The following LTBP1 variants were observed in gnomAD, a reference collection of about 807,000 sequenced individuals.
LTBP1 encodes latent-transforming growth factor beta-binding protein 1.
LTBP1 carries 129 observed loss-of-function variants against 207.6 expected under a neutral mutation model. The observed-to-expected ratio is 0.62, with a 90% CI of 0.54 to 0.72. LTBP1 has a LOEUF of 0.72. Ranked by LOEUF, LTBP1 falls within the 30% of genes least tolerant of loss-of-function variation. The pLI is 0.00. For synonymous variants in LTBP1, 963 were observed against 833.7 expected, an observed-to-expected ratio of 1.16 and a Z score of -2.67; for missense variants, 2,281 against 2,217.2, an observed-to-expected ratio of 1.03 and a Z score of -0.58.
rs1676326530 is a variant in LTBP1, at chr2:32,947,351, G to A, written c.27G>A (p.Gly9=). MAGAWLRW[G]LLLWAGLLAS... ...TGGCGGGGGCCTGGCTCAGGTGGGG[G>A]CTCCTGCTCTGGGCAGGGCTCCTCG... is the stretch of plus-strand genomic sequence containing the variant. Residue 9 remains glycine, a synonymous_variant, in exon 1 of 34, where the codon GGG becomes GGA. Transcript: ENST00000404816. 1.3e-5 allele frequency: 17 copies of A among 1,266,180 alleles called. No individual in the cohort carries two copies. Among genetic ancestry groups the A allele is most frequent in the South Asian group, 2.6e-5 (1 of 37,808 alleles). The allele number at this position is 1,266,180 out of a possible 1,614,324, so 78.4% of individuals were successfully genotyped here. A position where few individuals can be genotyped will look rare whatever the true frequency, so the allele number is the denominator to read the frequency against.
At chr2:33,082,229 G>A (rs1384295816) in intron 3 of LTBP1, among the ~76,000 whole-genome samples, 1 of 151,988 alleles carries the variant, frequency 6.6e-6, no homozygotes, top group East Asian at 1.9e-4. Flanking sequence ...CCATGAGATT[G>A]TTGCAGCAAA....
At chr2:32,980,402 CTGAT>C (rs1472299543) in intron 2 of LTBP1, among the ~76,000 whole-genome samples, 2 of 152,046 alleles carry the variant, frequency 1.3e-5, no homozygotes, top group Non-Finnish European at 1.5e-5. Context: ...CAACCTAACA[CTGAT>C]TGCATAAAGA....
At chr2:33,082,876 A>C (rs967069824) in intron 3 of LTBP1, among the ~76,000 whole-genome samples, 1 of 151,944 alleles carries the variant, frequency 6.6e-6, no homozygotes, top group Non-Finnish European at 1.5e-5. Context: ...CTGGGTGGGC[A>C]TCTGGTCCTC....
At chr2:33,069,384 A>T (rs1023089528) in intron 3 of LTBP1, among the ~76,000 whole-genome samples, 3 of 152,174 alleles carry the variant, frequency 2.0e-5, no homozygotes, top group Non-Finnish European at 4.4e-5. Flanking sequence ...ATTTCTGCAG[A>T]TGAAGCACCC....
At chr2:33,274,059 A>G (rs1031504344) in intron 16 of LTBP1, among the ~76,000 whole-genome samples, 2 of 152,230 alleles carry the variant, frequency 1.3e-5, no homozygotes, top group Non-Finnish European at 2.9e-5. Context: ...ACAAAATATG[A>G]ATTACAGAAA....
At chr2:33,127,807 T>A (rs1419621322) in intron 4 of LTBP1, among the ~76,000 whole-genome samples, 1 of 151,304 alleles carries the variant, frequency 6.6e-6, no homozygotes, top group Admixed American at 6.6e-5. Context: ...GTCAAAAGGG[T>A]GGAATGTGGG....
chr2:33,154,304 A>T (rs1241617853), intron 5 of LTBP1, among the ~76,000 whole-genome samples: 4 of 152,232 alleles, frequency 2.6e-5, no homozygotes, highest in Admixed American at 6.5e-5. Flanking sequence ...GGACAAGAGG[A>T]CCTGCTGTAG....
chr2:33,266,695 C>T (rs2093188504), intron 15 of LTBP1, among the ~76,000 whole-genome samples: 1 of 152,164 alleles, frequency 6.6e-6, no homozygotes. Flanking sequence ...CTTCGGGTCT[C>T]CTCAGCTTTT....
chr2:33,025,778 A>G (rs2149267639), intron 3 of LTBP1, among the ~76,000 whole-genome samples: 1 of 152,324 alleles, frequency 6.6e-6, no homozygotes, highest in East Asian at 1.9e-4. Flanking sequence ...TAGAGGTAAT[A>G]AGATTGGCTT....
chr2:33,161,784 C>G (rs907972888), intron 5 of LTBP1, among the ~76,000 whole-genome samples: 1 of 152,262 alleles, frequency 6.6e-6, no homozygotes, highest in South Asian at 2.1e-4. Flanking sequence ...ATTAAAGAAC[C>G]TGCATTGTAG....
chr2:33,263,958 GA>G lies in LTBP1; in HGVS notation c.2617+580del, dbSNP rs796992102. On this transcript the variant is annotated intron_variant, in intron 15 of 33. Transcript: ENST00000404816. ...CAGAGCGAGACTCTGTCTAAAAAAA[GA>G]AAAAAAAAAAAAAGGACTGGGTGCG... Among the ~76,000 whole-genome samples, 574 of 69,632 alleles carry G rather than the reference GA, an allele frequency of 8.2e-3. 1 individual carries two copies. The highest frequency in any genetic ancestry group is 0.02 in the Admixed American group (116 of 5,882). The allele number at this position is 69,632 out of a possible 152,430, so 45.7% of individuals were successfully genotyped here. A position where few individuals can be genotyped will look rare whatever the true frequency, so the allele number is the denominator to read the frequency against.
At chr2:33,048,227 A>T (rs1230970242) in intron 3 of LTBP1, among the ~76,000 whole-genome samples, 2 of 152,178 alleles carry the variant, frequency 1.3e-5, no homozygotes, top group Admixed American at 6.5e-5. Context: ...AGAGATGAAG[A>T]GCGCTTATTT....
chr2:33,173,560 G>A (rs1052979119), intron 5 of LTBP1, among the ~76,000 whole-genome samples: 90 of 151,930 alleles, frequency 5.9e-4, no homozygotes, highest in African/African-American at 2.1e-3. Flanking sequence ...ATTCACAGCC[G>A]AATTCTACCA....
intron 20 of LTBP1, among the ~76,000 whole-genome samples, chr2:33,296,446 C>G (rs1450967806): frequency 6.6e-6 from 1 of 152,150 alleles, no homozygotes; most frequent in African/African-American, 2.4e-5. Flanking sequence ...TTCTTCCTCA[C>G]TGCTTACCTG....
chr2:33,398,058 T>C (rs2150815267), intron 33 of LTBP1, among the ~76,000 whole-genome samples: 1 of 152,292 alleles, frequency 6.6e-6, no homozygotes, highest in Middle Eastern at 3.4e-3. Flanking sequence ...AGTTCCTCCA[T>C]ACCTATGGGA....
chr2:33,365,626 C>CGT (rs144867482), intron 31 of LTBP1, 123 bp downstream of exon 31: 21,953 of 703,538 alleles, frequency 0.031, 96 homozygotes, highest in Admixed American at 0.056. Flanking sequence ...ACTTTCATCC[C>CGT]GTGTGTGTGT....
chr2:33,199,689 C>G (rs113147772), intron 7 of LTBP1, among the ~76,000 whole-genome samples: 5 of 152,306 alleles, frequency 3.3e-5, no homozygotes, highest in Admixed American at 3.3e-4. Flanking sequence ...CAAATTGTCC[C>G]TGTTGGCAGA....
At chr2:33,177,970 C>A (rs1239083879) in intron 5 of LTBP1, among the ~76,000 whole-genome samples, 3 of 152,200 alleles carry the variant, frequency 2.0e-5, no homozygotes, top group Non-Finnish European at 4.4e-5. Flanking sequence ...ACCTGCACCC[C>A]TCTGTACCCC....
intron 2 of LTBP1, among the ~76,000 whole-genome samples, chr2:33,007,735 C>T (rs955296026): frequency 1.3e-5 from 2 of 152,128 alleles, no homozygotes; most frequent in Admixed American, 6.6e-5. Context: ...TATTTTGGAG[C>T]GTGTGGGGGA....
Sources: allele counts gnomAD v4.1 joint callset (sites outside exome capture counted in the v4.1 genomes callset), GRCh38; gene constraint gnomAD v4.1.1; transcripts MANE v1.5; gene names NCBI Gene and HGNC (gene_info 2026-07-23, HGNC 2026-07-21).